POLA1: variants seen among roughly 807,000 people sequenced by gnomAD.
POLA1 encodes DNA polymerase alpha catalytic subunit.
In POLA1, 15 loss-of-function variants were observed where a neutral mutation model predicts 124.0. The ratio of observed to expected loss-of-function variants is 0.12; its 90% CI spans 0.08 to 0.19. The LOEUF is 0.19. Among genes scored for constraint, POLA1 ranks in the 10% least tolerant of loss-of-function variants. The pLI is 1.00. For synonymous variants in POLA1, 408 were observed against 389.4 expected (o/e 1.05, Z -0.56); for missense variants, 886 against 1,103.4 (o/e 0.80, Z 2.79).
intron 35 of POLA1, among the ~76,000 whole-genome samples, chrX:24,891,075 G>T (rs1019933943): frequency 9.8e-5 from 11 of 112,522 alleles, no homozygotes; most frequent in African/African-American, 3.2e-4. Flanking sequence ...TATAATCTTA[G>T]ATCGTTAAGC....
chrX:24,702,305 G>A (rs1034273287), intron 2 of POLA1, among the ~76,000 whole-genome samples: 3 of 111,162 alleles, frequency 2.7e-5, no homozygotes, highest in Non-Finnish European at 5.7e-5. Context: ...CTGACCTCAG[G>A]TGATCCACCC....
intron 12 of POLA1, 44 bp from the exon 13 acceptor site, chrX:24,725,937 G>A (rs1406062425): frequency 1.2e-6 from 1 of 824,496 alleles, no homozygotes; most frequent in Non-Finnish European, 1.8e-6. Flanking sequence ...GTTAGTTTGT[G>A]AAGTTTTTGT....
chrX:24,716,153 G>T (rs1473150335), intron 6 of POLA1, among the ~76,000 whole-genome samples: 24 of 98,179 alleles, frequency 2.4e-4, no homozygotes, highest in African/African-American at 9.3e-4. Context: ...TTGGGAGGGG[G>T]TAGATTTAAT....
At position 24,919,643 on chromosome X, in the gene POLA1, TTTTTA is replaced by T. The variant is rs201929038; in HGVS notation, c.4165-10804_4165-10800del. ...AAATTTTGACATCTTTATATTTCAA[TTTTTA>T]TTTTAAGTTCTAGGATACATGTACA... On this transcript the variant is annotated intron_variant, in intron 35 of 36. Transcript: ENST00000379068. 7.0e-4 allele frequency among the ~76,000 whole-genome samples: 77 copies of T among 110,557 alleles called. No homozygotes were observed. The East Asian group carries it at 0.021, about 30-fold the overall frequency.
intron 17 of POLA1, among the ~76,000 whole-genome samples, chrX:24,734,969 C>G (rs11573352): frequency 8.9e-6 from 1 of 111,734 alleles, no homozygotes; most frequent in Non-Finnish European, 1.9e-5. Flanking sequence ...TTTATCAGTT[C>G]TCATCTTACC....
At chrX:24,968,529 C>A (rs950426345) in intron 36 of POLA1, among the ~76,000 whole-genome samples, 7 of 109,686 alleles carry the variant, frequency 6.4e-5, no homozygotes, top group Admixed American at 1.9e-4. Flanking sequence ...GAAACCCTGT[C>A]TCTACTAAAA....
At chrX:24,728,040 A>C (rs1930651914) in intron 15 of POLA1, 104 bp downstream of exon 15, 2 of 601,137 alleles carry the variant, frequency 3.3e-6, no homozygotes, top group South Asian at 7.7e-5. Flanking sequence ...TGGAGGGGAA[A>C]GAATACTAAT....
At chrX:24,938,302 G>C (rs1028726036) in intron 36 of POLA1, among the ~76,000 whole-genome samples, 1 of 111,634 alleles carries the variant, frequency 9.0e-6, no homozygotes, top group Non-Finnish European at 1.9e-5. Flanking sequence ...TGTAATCCCA[G>C]CTACTTGGGA....
At chrX:24,836,309 A>G (rs780240017) in intron 32 of POLA1, among the ~76,000 whole-genome samples, 1 of 111,984 alleles carries the variant, frequency 8.9e-6, no homozygotes, top group East Asian at 2.8e-4. Context: ...GGTATTTTGA[A>G]TAGTGCTGCT....
chrX:24,871,045 C>A (rs1168640451), intron 34 of POLA1, among the ~76,000 whole-genome samples: 2 of 111,290 alleles, frequency 1.8e-5, no homozygotes, highest in African/African-American at 3.3e-5. Flanking sequence ...TTGAGAGGGG[C>A]AGCATAATGG....
chrX:24,711,294 C>T (rs1254003347), intron 4 of POLA1, among the ~76,000 whole-genome samples: 1 of 112,477 alleles, frequency 8.9e-6, no homozygotes, highest in Non-Finnish European at 1.9e-5. Context: ...CCTTTTCTTT[C>T]TTAAACAAAA....
At chrX:24,966,050 A>C (rs2048218602) in intron 36 of POLA1, among the ~76,000 whole-genome samples, 2 of 111,984 alleles carry the variant, frequency 1.8e-5, no homozygotes, top group Admixed American at 1.9e-4. Context: ...GTCTAACTGA[A>C]GTTTGTTTTA....
chrX:24,731,737 G>A (rs1225698758), intron 15 of POLA1, among the ~76,000 whole-genome samples: 1 of 110,602 alleles, frequency 9.0e-6, no homozygotes, highest in African/African-American at 3.3e-5. Flanking sequence ...GGTGTTAATA[G>A]CTCCATGATT....
At chrX:24,888,672 T>A (rs1462266948) in intron 35 of POLA1, among the ~76,000 whole-genome samples, 4 of 97,622 alleles carry the variant, frequency 4.1e-5, no homozygotes, top group African/African-American at 1.5e-4. Flanking sequence ...AGTGGCACGA[T>A]CTCAGCTCAC....
At chrX:24,720,772 G>A (rs1345298231) in intron 10 of POLA1, among the ~76,000 whole-genome samples, 1 of 112,384 alleles carries the variant, frequency 8.9e-6, no homozygotes, top group East Asian at 2.8e-4. Context: ...GCATTGTTTT[G>A]CAGGGTAAGG....
chrX:24,905,655 C>T (rs1306778973), intron 35 of POLA1, among the ~76,000 whole-genome samples: 1 of 105,696 alleles, frequency 9.5e-6, no homozygotes, highest in African/African-American at 3.5e-5. Flanking sequence ...CTCCGGTCCC[C>T]GGGCTTAAGT....
rs191293676 is a variant in POLA1 at position 24,703,743 on chromosome X, C to T, written c.265+396C>T. 6.3e-5 allele frequency among the ~76,000 whole-genome samples: 7 copies of T among 111,944 alleles called. No homozygotes were observed. The East Asian group carries it at 1.7e-3, about 27-fold the overall frequency. The stretch of plus-strand genomic sequence containing the variant: ...GGACAAGTCACTTAATCTCTCTGCG[C>T]CTTAGAGTCTTCATCTGTAATATGG... On this transcript the variant is annotated intron_variant, in intron 3 of 36. Coordinates refer to ENST00000379068, the MANE Select transcript of POLA1 (RefSeq NM_001330360.2).
chrX:24,968,698 A>G lies in POLA1; in HGVS notation c.4262-27107A>G, dbSNP rs536723383. On this transcript the variant is annotated intron_variant, in intron 36 of 36. Transcript: ENST00000379068. ...AGCCTGGGCGACAGAGCGAGACTCCATCTCAAAAAAAAAAAAAAAAAAAAG... is the reference window on the plus strand; with the variant it reads ...AGCCTGGGCGACAGAGCGAGACTCCGTCTCAAAAAAAAAAAAAAAAAAAAG... Among the ~76,000 whole-genome samples the G allele has an allele frequency of 3.5e-3, 313 of 89,535 alleles. 6 individuals carry two copies. In the South Asian group the frequency reaches 0.074, roughly 21 times the overall value. The allele number at this position is 89,535 out of a possible 115,157, so 77.8% of individuals were successfully genotyped here. A position where few individuals can be genotyped will look rare whatever the true frequency, so the allele number is the denominator to read the frequency against.
chrX:24,735,026 A>G (rs1931186333), intron 17 of POLA1, among the ~76,000 whole-genome samples: 1 of 112,201 alleles, frequency 8.9e-6, no homozygotes, highest in Non-Finnish European at 1.9e-5. Context: ...TGCCCAGTAA[A>G]TACATAAACA....
Sources: allele counts gnomAD v4.1 joint callset (sites outside exome capture counted in the v4.1 genomes callset), GRCh38; gene constraint gnomAD v4.1.1; transcripts MANE v1.5; gene names NCBI Gene and HGNC (gene_info 2026-07-23, HGNC 2026-07-21).